The following PSPC1 variants were observed in gnomAD, a reference collection of about 807,000 sequenced individuals.
The protein encoded by PSPC1 is paraspeckle protein 1.
PSPC1 carries 14 observed loss-of-function variants against 51.6 expected under a neutral mutation model. That is an observed-to-expected ratio of 0.27 (90% CI 0.18 to 0.42). The LOEUF (loss-of-function observed/expected upper bound fraction) is 0.42, where lower values mean the gene tolerates loss of function less well. Among genes scored for constraint, PSPC1 ranks in the 10% least tolerant of loss-of-function variants. The pLI, the probability that PSPC1 is intolerant of heterozygous loss-of-function variation, is 1.00. For synonymous variants in PSPC1, 193 were observed against 231.9 expected (o/e 0.83, Z 1.53); for missense variants, 406 against 701.1 (o/e 0.58, Z 4.75).
At chr13:19,756,259 G>C (rs1272861644) in intron 3 of PSPC1, among the ~76,000 whole-genome samples, 2 of 152,042 alleles carry the variant, frequency 1.3e-5, no homozygotes, top group Non-Finnish European at 2.9e-5. Context: ...GTAGGCCTTT[G>C]AGCCCCTATG....
chr13:19,722,079 G>A (rs1252825496), intron 6 of PSPC1, among the ~76,000 whole-genome samples: 1 of 152,118 alleles, frequency 6.6e-6, no homozygotes, highest in Non-Finnish European at 1.5e-5. Context: ...TTACATCTAA[G>A]TAACTATAAT....
At chr13:19,771,060 G>A (rs1318413649) in intron 2 of PSPC1, among the ~76,000 whole-genome samples, 2 of 152,064 alleles carry the variant, frequency 1.3e-5, no homozygotes, top group Non-Finnish European at 2.9e-5. Context: ...CTCCTGAGTA[G>A]CTGGGACTAC....
intron 6 of PSPC1, among the ~76,000 whole-genome samples, chr13:19,728,319 A>T (rs1883602617): frequency 6.6e-6 from 1 of 152,128 alleles, no homozygotes; most frequent in African/African-American, 2.4e-5. Context: ...TAAAATTAAC[A>T]AAGAAAATCA....
At chr13:19,768,638 ACT>A (rs1296922341) in intron 2 of PSPC1, among the ~76,000 whole-genome samples, 5 of 150,664 alleles carry the variant, frequency 3.3e-5, no homozygotes, top group Admixed American at 2.7e-4. Flanking sequence ...ACAGAGCAAG[ACT>A]CTGTCTCAAA....
intron 7 of PSPC1, chr13:19,677,687 G>T: frequency 2.4e-6 from 1 of 424,986 alleles, no homozygotes; most frequent in East Asian, 7.1e-5. Flanking sequence ...GAATACTCAA[G>T]GATCTGTTAG....
At chr13:19,777,117 CT>C (rs1181834333) in intron 1 of PSPC1, among the ~76,000 whole-genome samples, 3 of 24,736 alleles carry the variant, frequency 1.2e-4, no homozygotes, top group Non-Finnish European at 2.3e-4. Flanking sequence ...GAGGCTCCAT[CT>C]AAAAAAAAAA....
chr13:19,727,579 T>C (rs1170455820), intron 6 of PSPC1, among the ~76,000 whole-genome samples: 1 of 152,188 alleles, frequency 6.6e-6, no homozygotes, highest in Non-Finnish European at 1.5e-5. Flanking sequence ...AAGCAATGTT[T>C]ACTCCAAGAA....
In PSPC1 at chr13:19,695,196, G is replaced by T. The variant is rs1282115563; in HGVS notation, c.1159-17373C>A. On this transcript the variant is annotated intron_variant and NMD_transcript_variant, in intron 6 of 7. Transcript: ENST00000471658. Reference sequence around the variant, plus strand: ...AATTCCAAAATAATTCAAACTATGAGATCTATATTTTCAGCCAACCTAGGG... The same window carrying T: ...AATTCCAAAATAATTCAAACTATGATATCTATATTTTCAGCCAACCTAGGG... Among the ~76,000 whole-genome samples, 4 of 152,118 alleles carry T rather than the reference G, an allele frequency of 2.6e-5. No individual in the cohort carries two copies. In the East Asian group the frequency reaches 7.7e-4, roughly 29 times the overall value.
At chr13:19,737,546 G>A (rs1593666768) in intron 5 of PSPC1, among the ~76,000 whole-genome samples, 1 of 152,196 alleles carries the variant, frequency 6.6e-6, no homozygotes, top group African/African-American at 2.4e-5. Context: ...TCTTATTACA[G>A]GTGATATGAA....
At chr13:19,678,659 T>C (rs1876933395) in intron 6 of PSPC1, 1 of 152,160 alleles carries the variant, frequency 6.6e-6, no homozygotes, top group Non-Finnish European at 1.5e-5. Context: ...GCAGAAACTG[T>C]AGACAAGACT....
intron 6 of PSPC1, among the ~76,000 whole-genome samples, chr13:19,715,296 G>C (rs1355043301): frequency 6.6e-6 from 1 of 152,108 alleles, no homozygotes; most frequent in Non-Finnish European, 1.5e-5. Flanking sequence ...TGAAAATATA[G>C]AACAGGAAGC....
intron 2 of PSPC1, among the ~76,000 whole-genome samples, chr13:19,766,383 A>T (rs1226601946): frequency 6.6e-6 from 1 of 151,864 alleles, no homozygotes; most frequent in African/African-American, 2.4e-5. Flanking sequence ...AAATCAATCT[A>T]TCAATCAATC....
chr13:19,743,889 C>T (rs550268570), intron 4 of PSPC1, among the ~76,000 whole-genome samples: 1 of 152,042 alleles, frequency 6.6e-6, no homozygotes, highest in Non-Finnish European at 1.5e-5. Context: ...AGGCGGATCA[C>T]CTGAGGTCGG....
intron 5 of PSPC1, among the ~76,000 whole-genome samples, chr13:19,736,412 A>G (rs942568986): frequency 1.3e-5 from 2 of 152,082 alleles, no homozygotes; most frequent in South Asian, 2.1e-4. Flanking sequence ...GGCCACGCAC[A>G]GTGGCTCAAG....
intron 5 of PSPC1, among the ~76,000 whole-genome samples, chr13:19,740,113 G>A (rs1885284013): frequency 6.6e-6 from 1 of 152,172 alleles, no homozygotes; most frequent in African/African-American, 2.4e-5. Flanking sequence ...GGAGGCCGAG[G>A]CAGGCGGATC....
At chr13:19,774,696 T>C (rs57568564) in intron 1 of PSPC1, among the ~76,000 whole-genome samples, 12,988 of 151,262 alleles carry the variant, frequency 0.086, 598 homozygotes, top group Middle Eastern at 0.13. Flanking sequence ...TCCCAGCTAC[T>C]TGGGGGACTG....
intron 6 of PSPC1, among the ~76,000 whole-genome samples, chr13:19,716,890 G>A (rs1882157410): frequency 6.6e-6 from 1 of 152,030 alleles, no homozygotes; most frequent in African/African-American, 2.4e-5. Flanking sequence ...TCATGAGAAA[G>A]ATTAAATAAG....
downstream of PSPC1, among the ~76,000 whole-genome samples, chr13:19,700,812 T>C (rs1879813876): frequency 6.6e-6 from 1 of 152,122 alleles, no homozygotes; most frequent in South Asian, 2.1e-4. Flanking sequence ...CACACTTACT[T>C]AGAAAGCTAA....
rs764716143 is a variant in PSPC1 at position 19,735,014 on chromosome 13, GA to G, written c.1053-4671del. Reference sequence around the variant, plus strand: ...CAAACAAACAAACAAAAAAAACAAAGAAAGGAAGGAAGTGGGGCCGGGTGCG... The same window carrying G: ...CAAACAAACAAACAAAAAAAACAAAGAAGGAAGGAAGTGGGGCCGGGTGCG... On this transcript the variant is annotated intron_variant, in intron 5 of 8. Transcript: ENST00000338910. Among the ~76,000 whole-genome samples the G allele has an allele frequency of 1.7e-4, 25 of 148,832 alleles. 1 individual carries two copies. The highest frequency in any genetic ancestry group is 2.2e-4 in the Non-Finnish European group (15 of 66,952).
Sources: allele counts gnomAD v4.1 joint callset (sites outside exome capture counted in the v4.1 genomes callset), GRCh38; gene constraint gnomAD v4.1.1; transcripts MANE v1.5; gene names NCBI Gene and HGNC (gene_info 2026-07-23, HGNC 2026-07-21).